The following PPARGC1A variants were observed in gnomAD, a reference collection of about 807,000 sequenced individuals.
PPARGC1A encodes PPARG coactivator 1 alpha.
In PPARGC1A, 25 loss-of-function variants were observed where a neutral mutation model predicts 88.7. The observed-to-expected ratio is 0.28, with a 90% confidence interval of 0.21 to 0.39. The LOEUF (loss-of-function observed/expected upper bound fraction) is 0.39, where lower values mean the gene tolerates loss of function less well. Ranked by LOEUF, PPARGC1A falls within the 10% of genes least tolerant of loss-of-function variation. The pLI, the probability that PPARGC1A is intolerant of heterozygous loss-of-function variation, is 1.00. For synonymous variants in PPARGC1A, 363 were observed against 355.6 expected (o/e 1.02, Z -0.24); for missense variants, 880 against 968.7 (o/e 0.91, Z 1.22).
At chr4:24,018,052 A>G in the PPARGC1A span, among the ~76,000 whole-genome samples, 1 of 152,208 alleles carries the variant, frequency 6.6e-6, no homozygotes, top group African/African-American at 2.4e-5. Context: ...AAGTTATAGC[A>G]TCATAAAAAT....
chr4:24,209,063 G>A, the PPARGC1A span, among the ~76,000 whole-genome samples: 2 of 152,140 alleles, frequency 1.3e-5, no homozygotes, highest in South Asian at 4.2e-4. Flanking sequence ...TCCACACTAG[G>A]CCTTGTCGAA....
chr4:24,276,764 G>C, the PPARGC1A span, among the ~76,000 whole-genome samples: 1 of 152,178 alleles, frequency 6.6e-6, no homozygotes, highest in Non-Finnish European at 1.5e-5. Context: ...ATGATGTCTT[G>C]TTAGATACTG....
At chr4:24,312,661 TACTG>T in the PPARGC1A span, among the ~76,000 whole-genome samples, 4 of 151,414 alleles carry the variant, frequency 2.6e-5, no homozygotes, top group South Asian at 8.4e-4. Context: ...GATTGCAACT[TACTG>T]ACTCACTGTC....
chr4:24,433,590 ATTAT>A, the PPARGC1A span, among the ~76,000 whole-genome samples: 1 of 152,022 alleles, frequency 6.6e-6, no homozygotes, highest in African/African-American at 2.4e-5. Flanking sequence ...TGCCTAAAGG[ATTAT>A]TTGACAGCCT....
the PPARGC1A span, among the ~76,000 whole-genome samples, chr4:23,947,407 G>A: frequency 8.6e-6 from 1 of 116,028 alleles, no homozygotes; most frequent in Non-Finnish European, 1.7e-5. Flanking sequence ...AAAAAAAACG[G>A]TGATGGAGAA....
chr4:24,145,827 T>C, the PPARGC1A span, among the ~76,000 whole-genome samples: 5 of 152,344 alleles, frequency 3.3e-5, no homozygotes, highest in Non-Finnish European at 5.9e-5. Flanking sequence ...AGCCTATTTA[T>C]ACTAAACTTC....
the PPARGC1A span, among the ~76,000 whole-genome samples, chr4:24,440,909 C>G: frequency 1.3e-5 from 2 of 152,302 alleles, no homozygotes; most frequent in East Asian, 3.9e-4. Context: ...AACCTGGAAT[C>G]TGCTTCTGTT....
chr4:24,380,891 A>G, the PPARGC1A span, among the ~76,000 whole-genome samples: 7 of 152,246 alleles, frequency 4.6e-5, no homozygotes, highest in East Asian at 5.8e-4. Flanking sequence ...GATTATAAAT[A>G]AACAGCAGGC....
chr4:24,458,804 TATATGGAGGC>T, the PPARGC1A span, among the ~76,000 whole-genome samples: 1 of 152,180 alleles, frequency 6.6e-6, no homozygotes, highest in Non-Finnish European at 1.5e-5. Context: ...CACTAAAAAT[TATATGGAGGC>T]ATATGAAATA....
At chr4:23,915,868 G>A in the PPARGC1A span, among the ~76,000 whole-genome samples, 3 of 152,290 alleles carry the variant, frequency 2.0e-5, no homozygotes, top group East Asian at 5.8e-4. Context: ...AGTATTTGGA[G>A]CAGAAGATCT....
At chr4:23,935,973 T>C in the PPARGC1A span, among the ~76,000 whole-genome samples, 1 of 152,208 alleles carries the variant, frequency 6.6e-6, no homozygotes, top group Non-Finnish European at 1.5e-5. Context: ...ATAGTTTATG[T>C]GTTCTGTCTT....
the PPARGC1A span, among the ~76,000 whole-genome samples, chr4:24,232,160 C>T: frequency 9.9e-5 from 15 of 151,642 alleles, no homozygotes; most frequent in East Asian, 5.8e-4. Flanking sequence ...TATCATGATC[C>T]GACTCCGTTC....
the PPARGC1A span, among the ~76,000 whole-genome samples, chr4:24,353,278 C>T: frequency 1.3e-5 from 2 of 149,538 alleles, no homozygotes; most frequent in African/African-American, 5.0e-5. Flanking sequence ...CTGCAAGCCA[C>T]AAAGCATTGC....
intron 2 of PPARGC1A, among the ~76,000 whole-genome samples, chr4:23,872,650 T>C (rs1369564639): frequency 1.3e-5 from 2 of 152,196 alleles, no homozygotes; most frequent in Admixed American, 6.5e-5. Context: ...GCTTATCTTA[T>C]TTGTAAAAGG....
the PPARGC1A span, among the ~76,000 whole-genome samples, chr4:24,379,803 G>A: frequency 4.4e-5 from 6 of 137,338 alleles, no homozygotes; most frequent in Non-Finnish European, 7.7e-5. Flanking sequence ...TTTTGAGAAA[G>A]AGTTTTGCTC....
the PPARGC1A span, among the ~76,000 whole-genome samples, chr4:23,958,114 T>G: frequency 1.3e-5 from 2 of 152,174 alleles, no homozygotes; most frequent in Admixed American, 1.3e-4. Context: ...AATGAAACTT[T>G]TACTTGCTTG....
chr4:24,329,533 C>A, the PPARGC1A span, among the ~76,000 whole-genome samples: 1 of 152,156 alleles, frequency 6.6e-6, no homozygotes, highest in East Asian at 1.9e-4. Flanking sequence ...CTGCGCCCTC[C>A]CCCTGGGGCT....
At chr4:24,031,007 G>A in the PPARGC1A span, among the ~76,000 whole-genome samples, 4 of 152,082 alleles carry the variant, frequency 2.6e-5, no homozygotes, top group African/African-American at 7.2e-5. Context: ...CAGAAAATGA[G>A]GAGTCTCTGA....
chr4:24,462,452 A>C, the PPARGC1A span, among the ~76,000 whole-genome samples: 1 of 151,904 alleles, frequency 6.6e-6, no homozygotes, highest in Non-Finnish European at 1.5e-5. Context: ...CAGTTCATCC[A>C]TCTGAATGCA....
Sources: allele counts gnomAD v4.1 joint callset (sites outside exome capture counted in the v4.1 genomes callset), GRCh38; gene constraint gnomAD v4.1.1; transcripts MANE v1.5; gene names NCBI Gene and HGNC (gene_info 2026-07-23, HGNC 2026-07-21).